TTC39B: variants seen among roughly 807,000 people sequenced by gnomAD.
TTC39B encodes tetratricopeptide repeat protein 39B.
TTC39B carries 92 observed loss-of-function variants against 96.6 expected under a neutral mutation model. The observed-to-expected ratio is 0.95, with a 90% CI of 0.80 to 1.13. The LOEUF (loss-of-function observed/expected upper bound fraction) is 1.13. TTC39B is among the 50% of genes most tolerant of loss of function. The pLI is 0.00. For missense variants in TTC39B, 955 were observed against 809.3 expected, an observed-to-expected ratio of 1.18 and a Z score of -2.18; for synonymous variants, 367 against 299.4, an observed-to-expected ratio of 1.23 and a Z score of -2.33.
intron 1 of TTC39B, among the ~76,000 whole-genome samples, chr9:15,270,551 T>C (rs1238486381): frequency 6.7e-6 from 1 of 149,906 alleles, no homozygotes; most frequent in Non-Finnish European, 1.5e-5. Context: ...ACCCTCCGTG[T>C]AAAGAAGATA....
chr9:15,250,515 A>C (rs1822486947), intron 2 of TTC39B, among the ~76,000 whole-genome samples: 1 of 152,200 alleles, frequency 6.6e-6, no homozygotes, highest in African/African-American at 2.4e-5. Context: ...AAAAATACTA[A>C]ATAAGAGAAA....
At chr9:15,272,201 C>G (rs879881700) in intron 1 of TTC39B, among the ~76,000 whole-genome samples, 7 of 152,206 alleles carry the variant, frequency 4.6e-5, no homozygotes, top group African/African-American at 7.2e-5. Context: ...TTGGCACTGA[C>G]AGCTATTCCA....
chr9:15,214,342 G>GTC, intron 3 of TTC39B, 93 bp from the exon 4 acceptor site: 1 of 756,928 alleles, frequency 1.3e-6, no homozygotes, highest in Non-Finnish European at 2.2e-6. Context: ...GTGTGTGTGT[G>GTC]TGTGTCTGTG....
At chr9:15,182,676 T>C (rs1818310714) in intron 16 of TTC39B, among the ~76,000 whole-genome samples, 1 of 152,204 alleles carries the variant, frequency 6.6e-6, no homozygotes, top group Admixed American at 6.5e-5. Context: ...GGTAATAGAA[T>C]ACAGATACAG....
chr9:15,289,727 T>G (rs532453108), intron 1 of TTC39B, among the ~76,000 whole-genome samples: 1 of 152,330 alleles, frequency 6.6e-6, no homozygotes, highest in East Asian at 1.9e-4. Flanking sequence ...GATATTTCCT[T>G]TTGTTCACTC....
At chr9:15,285,993 A>C (rs952368054) in intron 1 of TTC39B, among the ~76,000 whole-genome samples, 2 of 152,224 alleles carry the variant, frequency 1.3e-5, no homozygotes, top group Non-Finnish European at 2.9e-5. Context: ...CAATCAATCT[A>C]GCCAAACAGT....
rs1237197775 is a variant in TTC39B at position 15,182,403 on chromosome 9, C to G, written c.1627G>C (p.Val543Leu). ...CTCACTATTGAAAAACCATTCCAGA[C>G]ATACATCATTTCCTAATGAGGAAAA... Residue 543 changes from valine (V) to leucine (L), a missense_variant, in exon 17 of 20, where the codon GTC (valine) becomes CTC (leucine). Physicochemically the swap from Val to Leu is conservative, Grantham distance 32. Coordinates refer to ENST00000512701, the Ensembl canonical transcript of TTC39B. 4.3e-6 allele frequency: 7 copies of G among 1,609,436 alleles called. No homozygotes were observed. The highest frequency in any genetic ancestry group is 4.2e-6 in the Non-Finnish European group (5 of 1,177,642).
At chr9:15,241,326 C>T (rs1473691359) in intron 2 of TTC39B, among the ~76,000 whole-genome samples, 1 of 150,624 alleles carries the variant, frequency 6.6e-6, no homozygotes, top group Non-Finnish European at 1.5e-5. Context: ...AACAATGAAA[C>T]TGGAAAAGAT....
At chr9:15,218,101 C>A (rs10961918) in intron 3 of TTC39B, among the ~76,000 whole-genome samples, 3 of 142,020 alleles carry the variant, frequency 2.1e-5, no homozygotes, top group Non-Finnish European at 4.5e-5. Context: ...CCAACCACTG[C>A]GGAGGTTGCA....
In TTC39B at chr9:15,261,405, T is replaced by A. The variant is rs1222089579; in HGVS notation, c.275+6509A>T. 2.6e-5 allele frequency among the ~76,000 whole-genome samples: 4 copies of A among 151,704 alleles called. No homozygotes were observed. The East Asian group carries it at 7.7e-4, about 29-fold the overall frequency. On this transcript the variant is annotated intron_variant, in intron 2 of 19. Transcript: ENST00000512701. ...TGGGAGGAGCACTTGAACCCAGGAG[T>A]TTGGGGCTGCAGTGAGTTGAGAACG...
At chr9:15,292,837 A>G in intron 1 of TTC39B, among the ~76,000 whole-genome samples, 1 of 152,246 alleles carries the variant, frequency 6.6e-6, no homozygotes, top group East Asian at 1.9e-4. Flanking sequence ...GTGTTATTGT[A>G]AAAGTGCCAA....
At chr9:15,301,118 A>C (rs1046088686) in intron 1 of TTC39B, among the ~76,000 whole-genome samples, 27 of 152,004 alleles carry the variant, frequency 1.8e-4, no homozygotes, top group African/African-American at 6.3e-4. Context: ...ACACAATCCC[A>C]CTTGCCCTTT....
intron 6 of TTC39B, among the ~76,000 whole-genome samples, chr9:15,209,470 G>C (rs1820063879): frequency 6.6e-6 from 1 of 152,086 alleles, no homozygotes; most frequent in Admixed American, 6.5e-5. Flanking sequence ...ATGTTTAATA[G>C]CTTGTGGAAA....
chr9:15,235,467 C>T (rs1821735098), intron 2 of TTC39B, among the ~76,000 whole-genome samples: 1 of 152,114 alleles, frequency 6.6e-6, no homozygotes, highest in African/African-American at 2.4e-5. Context: ...CAGAGAACAC[C>T]TGCAAGACAC....
intron 2 of TTC39B, among the ~76,000 whole-genome samples, chr9:15,241,747 T>TTG (rs1055439776): frequency 3.3e-5 from 5 of 150,056 alleles, no homozygotes; most frequent in Non-Finnish European, 7.4e-5. Flanking sequence ...TAACTCTTTT[T>TTG]TTTTTTTTTT....
At position 15,203,727 on chromosome 9, in the gene TTC39B, A is replaced by G. The variant is rs1451428200; in HGVS notation, c.759+96T>C. On this transcript the variant is annotated intron_variant, in intron 7 of 19. Coordinates refer to ENST00000512701, the Ensembl canonical transcript of TTC39B. ...ATTTGCCATTACAACTCTAAGTCAA[A>G]AGAACTGAAGCTTTGACATAGAATG... 5 of 1,002,616 alleles carry G rather than the reference A, an allele frequency of 5.0e-6. No homozygotes were observed. The African/African-American group carries it at 8.3e-5, about 17-fold the overall frequency. 62.1% of individuals were successfully genotyped at this position (1,002,616 alleles called of 1,614,324 possible). A position where few individuals can be genotyped will look rare whatever the true frequency, so the allele number is the denominator to read the frequency against.
rs149728506 is a variant in TTC39B, at chr9:15,292,790, T to C, written c.240+14294A>G. Among the ~76,000 whole-genome samples the C allele has an allele frequency of 1.2e-3, 178 of 152,372 alleles. 1 individual carries two copies. The highest frequency in any genetic ancestry group is 3.9e-3 in the African/African-American group (163 of 41,588). ...TGAATAAGGATATAAAGAAAATATT[T>C]TGTATAGCTGTACAGTGTGTTTGTG... On this transcript the variant is annotated intron_variant, in intron 1 of 19. Transcript: ENST00000512701.
At chr9:15,278,762 T>G (rs949334336) in intron 1 of TTC39B, among the ~76,000 whole-genome samples, 3 of 152,260 alleles carry the variant, frequency 2.0e-5, no homozygotes, top group African/African-American at 7.2e-5. Flanking sequence ...GGCACTATGT[T>G]GAATACTCAC....
intron 1 of TTC39B, among the ~76,000 whole-genome samples, chr9:15,268,595 T>C (rs1455780229): frequency 6.6e-6 from 1 of 151,832 alleles, no homozygotes; most frequent in African/African-American, 2.4e-5. Context: ...ACTCAAAAAC[T>C]CACACATTCA....
Sources: gnomAD v4.1 joint callset for allele counts (sites outside exome capture counted in the v4.1 genomes callset) on GRCh38, gnomAD v4.1.1 for gene constraint, MANE v1.5 for transcripts, NCBI Gene and HGNC (gene_info 2026-07-23, HGNC 2026-07-21) for gene names.